The following TLE4 variants were observed in gnomAD, a reference collection of about 807,000 sequenced individuals.
TLE4 encodes transducin-like enhancer protein 4.
TLE4 carries 8 observed loss-of-function variants against 92.8 expected under a neutral mutation model. The ratio of observed to expected loss-of-function variants is 0.09; its 90% confidence interval spans 0.05 to 0.16. The LOEUF is 0.16. TLE4 is among the 10% of genes least tolerant of loss of function. The probability of loss-of-function intolerance (pLI) is 1.00; values close to 1 mark genes in which losing one functional copy is unlikely to be tolerated. For missense variants in TLE4, 675 were observed against 997.6 expected, an observed-to-expected ratio of 0.68 and a Z score of 4.36; for synonymous variants, 371 against 374.1, an observed-to-expected ratio of 0.99 and a Z score of 0.10.
At chr9:79,574,746 A>C in intron 2 of TLE4, 127 bp from the exon 3 acceptor site, 1 of 724,126 alleles carries the variant, frequency 1.4e-6, no homozygotes, top group Non-Finnish European at 2.3e-6. Flanking sequence ...CCCTTTCCAT[A>C]ATGATGGGGG....
intron 8 of TLE4, chr9:79,693,616 G>A (rs769716105): frequency 1.5e-5 from 8 of 516,148 alleles, no homozygotes; most frequent in African/African-American, 1.2e-4. Context: ...CATGCCACAC[G>A]TGTGCATGCA....
intron 6 of TLE4, among the ~76,000 whole-genome samples, chr9:79,651,195 G>T (rs143275930): frequency 3.9e-5 from 6 of 152,108 alleles, no homozygotes; most frequent in African/African-American, 1.4e-4. Flanking sequence ...CTAAAATTCA[G>T]TCACTACAAA....
intron 8 of TLE4, among the ~76,000 whole-genome samples, chr9:79,682,315 A>G (rs2064880804): frequency 6.6e-6 from 1 of 152,152 alleles, no homozygotes; most frequent in Non-Finnish European, 1.5e-5. Flanking sequence ...ATAGACTGTT[A>G]TTCCAGCCCC....
At chr9:79,623,377 T>A (rs771407463) in intron 5 of TLE4, among the ~76,000 whole-genome samples, 5 of 152,200 alleles carry the variant, frequency 3.3e-5, no homozygotes, top group Non-Finnish European at 7.4e-5. Flanking sequence ...TGTTAAGGTC[T>A]GCTTTTTAGC....
chr9:79,650,072 T>A (rs2058714015), intron 6 of TLE4, among the ~76,000 whole-genome samples: 1 of 151,978 alleles, frequency 6.6e-6, no homozygotes, highest in South Asian at 2.1e-4. Context: ...TGCGCCACCA[T>A]GCCTAGCTAA....
chr9:79,648,299 A>G (rs1037371544), intron 6 of TLE4, among the ~76,000 whole-genome samples: 10 of 152,150 alleles, frequency 6.6e-5, no homozygotes, highest in Admixed American at 4.6e-4. Context: ...GAGGCCTGAG[A>G]CTGGTCTCTT....
intron 8 of TLE4, among the ~76,000 whole-genome samples, chr9:79,698,119 T>C (rs1298328661): frequency 6.6e-6 from 1 of 152,220 alleles, no homozygotes; most frequent in African/African-American, 2.4e-5. Context: ...GAAGTGCTGC[T>C]AACACCCTCG....
At chr9:79,588,163 T>TGTGTGTGTGTGTGTG (rs1554691196) in intron 4 of TLE4, among the ~76,000 whole-genome samples, 11 of 151,672 alleles carry the variant, frequency 7.3e-5, no homozygotes, top group South Asian at 2.1e-4. Flanking sequence ...TGTGTGTGTG[T>TGTGTGTGTGTGTGTG]TTTGAGATAG....
chr9:79,690,911 C>G (rs1013805851), intron 8 of TLE4, among the ~76,000 whole-genome samples: 8 of 150,020 alleles, frequency 5.3e-5, no homozygotes, highest in African/African-American at 1.7e-4. Flanking sequence ...AATGAGATTA[C>G]AGGCATGAGC....
chr9:79,684,236 T>C (rs1251911062), intron 8 of TLE4, among the ~76,000 whole-genome samples: 1 of 152,172 alleles, frequency 6.6e-6, no homozygotes, highest in African/African-American at 2.4e-5. Flanking sequence ...AGCTTTTCTC[T>C]CTAGGCTGGG....
At chr9:79,634,957 G>A (rs1343396925) in intron 6 of TLE4, among the ~76,000 whole-genome samples, 1 of 152,194 alleles carries the variant, frequency 6.6e-6, no homozygotes, top group African/African-American at 2.4e-5. Flanking sequence ...GTAAGTGAAT[G>A]TAAGTTATAT....
chr9:79,634,641 T>C (rs951829688), intron 6 of TLE4, among the ~76,000 whole-genome samples: 1 of 152,174 alleles, frequency 6.6e-6, no homozygotes, highest in East Asian at 1.9e-4. Flanking sequence ...TGTTACTCTT[T>C]GTAGTCAGTC....
At chr9:79,681,632 AC>A (rs2064617383) in intron 8 of TLE4, among the ~76,000 whole-genome samples, 1 of 152,076 alleles carries the variant, frequency 6.6e-6, no homozygotes, top group Admixed American at 6.6e-5. Context: ...GGATACACTG[AC>A]TTTTCTGGCT....
At chr9:79,597,846 T>G (rs575584125) in intron 4 of TLE4, among the ~76,000 whole-genome samples, 1 of 152,288 alleles carries the variant, frequency 6.6e-6, no homozygotes, top group African/African-American at 2.4e-5. Flanking sequence ...AGTAATCCTC[T>G]TAAAATTGTT....
intron 5 of TLE4, among the ~76,000 whole-genome samples, chr9:79,619,892 A>G (rs2050545983): frequency 6.6e-6 from 1 of 152,260 alleles, no homozygotes; most frequent in South Asian, 2.1e-4. Flanking sequence ...ATGAGCCATC[A>G]GAGAGCGTAA....
intron 8 of TLE4, among the ~76,000 whole-genome samples, chr9:79,678,841 A>G (rs1481568827): frequency 1.4e-5 from 2 of 147,266 alleles, no homozygotes; most frequent in Non-Finnish European, 3.0e-5. Flanking sequence ...CTCGTTGTTC[A>G]ATTCCCATCC....
intron 4 of TLE4, among the ~76,000 whole-genome samples, chr9:79,583,296 C>A (rs773050234): frequency 2.6e-5 from 4 of 152,138 alleles, no homozygotes; most frequent in Non-Finnish European, 2.9e-5. Flanking sequence ...ATTTTCTTAG[C>A]TGGTTCATCA....
At position 79,718,850 on chromosome 9, in the gene TLE4, T is replaced by C; in HGVS notation, c.1469T>C (p.Val490Ala). 1.2e-6 allele frequency: 2 copies of C among 1,613,904 alleles called. No homozygotes were observed. The highest frequency in any genetic ancestry group is 1.7e-6 in the Non-Finnish European group (2 of 1,179,988). ...AACACCCTCAACCACGGGGAGGTGG[T>C]GTGCGCGGTGACCATCAGCAACCCC... ...QINTLNHGEV[V>A]CAVTISNPTR... The change falls in exon 15 of 20, where the codon GTG (valine) becomes GCG (alanine). Residue 490 changes from valine to alanine, a missense_variant. By Grantham distance (64) the Val-to-Ala change is moderately conservative (BLOSUM62 0). Coordinates refer to ENST00000376552, the MANE Select transcript of TLE4 (RefSeq NM_007005.6).
In TLE4 at chr9:79,645,107, T is replaced by C. The variant is rs145207404; in HGVS notation, c.391-7486T>C. ...ATTATTCTTAATGATGCTGAGATTG[T>C]CTCAAGTTTTGCCAGTGGGGATCCC... On this transcript the variant is annotated intron_variant, in intron 6 of 19. Transcript: ENST00000376552. 5.8e-4 allele frequency among the ~76,000 whole-genome samples: 89 copies of C among 152,342 alleles called. 1 individual carries two copies. The highest frequency in any genetic ancestry group is 2.0e-3 in the African/African-American group (84 of 41,582).
Sources: gnomAD v4.1 joint callset for allele counts (sites outside exome capture counted in the v4.1 genomes callset) on GRCh38, gnomAD v4.1.1 for gene constraint, MANE v1.5 for transcripts, NCBI Gene and HGNC (gene_info 2026-07-23, HGNC 2026-07-21) for gene names.